The following ADGRL3 variants were observed in gnomAD, a reference collection of about 807,000 sequenced individuals.
The protein encoded by ADGRL3 is calcium-independent alpha-latrotoxin receptor 3.
A neutral mutation model predicts 153.5 loss-of-function variants in ADGRL3; 62 were observed. The observed-to-expected ratio is 0.40, with a 90% CI of 0.33 to 0.50. ADGRL3 has a LOEUF of 0.50. Among genes scored for constraint, ADGRL3 ranks in the 20% least tolerant of loss-of-function variants. The pLI is 0.47. For synonymous variants in ADGRL3, 710 were observed against 672.5 expected (o/e 1.06, Z -0.86); for missense variants, 1,641 against 1,859.4 (o/e 0.88, Z 2.16).
At chr4:61,766,220 A>G (rs546500651) in intron 8 of ADGRL3, among the ~76,000 whole-genome samples, 93 of 152,250 alleles carry the variant, frequency 6.1e-4, no homozygotes, top group Admixed American at 1.1e-3. Flanking sequence ...GGGAGACTCA[A>G]CAAAGAGTGG....
intron 2 of ADGRL3, among the ~76,000 whole-genome samples, chr4:61,415,005 G>A (rs1456304801): frequency 6.6e-6 from 1 of 151,760 alleles, no homozygotes; most frequent in Admixed American, 6.6e-5. Flanking sequence ...AAACTATATT[G>A]TGTCTAAATG....
At chr4:61,807,977 A>G (rs778555693) in intron 8 of ADGRL3, among the ~76,000 whole-genome samples, 1 of 151,580 alleles carries the variant, frequency 6.6e-6, no homozygotes, top group Non-Finnish European at 1.5e-5. Context: ...TATCTGTCTC[A>G]CTCCTGTGAT....
chr4:61,511,975 TC>T (rs1282958305), intron 3 of ADGRL3, among the ~76,000 whole-genome samples: 22 of 152,240 alleles, frequency 1.4e-4, no homozygotes, highest in African/African-American at 5.3e-4. Flanking sequence ...AAAGATATAA[TC>T]TTTTATATGG....
intron 8 of ADGRL3, among the ~76,000 whole-genome samples, chr4:61,801,093 ATTGCTTTTCTGGT>A (rs780166800): frequency 1.8e-4 from 27 of 152,124 alleles, no homozygotes; most frequent in Non-Finnish European, 3.8e-4. Context: ...AGTATTCAGC[ATTGCTTTTCTGGT>A]TTACACCTGT....
chr4:61,626,902 C>T (rs181369141), intron 5 of ADGRL3, among the ~76,000 whole-genome samples: 1 of 152,026 alleles, frequency 6.6e-6, no homozygotes, highest in African/African-American at 2.4e-5. Context: ...GTTGTAGTTT[C>T]TTTTGAGTTC....
chr4:61,831,050 G>A (rs995671986), intron 9 of ADGRL3, among the ~76,000 whole-genome samples: 10 of 151,740 alleles, frequency 6.6e-5, no homozygotes, highest in Non-Finnish European at 5.9e-5. Flanking sequence ...CACCACACCC[G>A]GCTAATTTTT....
chr4:61,390,961 T>G (rs2096795290), intron 2 of ADGRL3, among the ~76,000 whole-genome samples: 2 of 152,190 alleles, frequency 1.3e-5, no homozygotes, highest in Non-Finnish European at 2.9e-5. Flanking sequence ...TGTTGTTGAG[T>G]GCCCCAATAA....
At chr4:61,781,732 A>G (rs554548754) in intron 8 of ADGRL3, among the ~76,000 whole-genome samples, 50 of 152,314 alleles carry the variant, frequency 3.3e-4, no homozygotes, top group African/African-American at 9.9e-4. Context: ...CGGTAAAATT[A>G]AAGTTTACAC....
chr4:61,740,279 T>G (rs1334517733), intron 8 of ADGRL3, among the ~76,000 whole-genome samples: 5 of 152,216 alleles, frequency 3.3e-5, no homozygotes, highest in Admixed American at 2.6e-4. Context: ...GATGTACATT[T>G]AAAATGTTCA....
intron 8 of ADGRL3, among the ~76,000 whole-genome samples, chr4:61,800,152 CA>C (rs2097475176): frequency 6.6e-6 from 1 of 151,586 alleles, no homozygotes; most frequent in Non-Finnish European, 1.5e-5. Context: ...TAAGGGCTAG[CA>C]AAAAGAAACC....
intron 21 of ADGRL3, among the ~76,000 whole-genome samples, chr4:62,006,701 A>G (rs982433356): frequency 3.3e-5 from 5 of 151,736 alleles, no homozygotes; most frequent in Non-Finnish European, 5.9e-5. Flanking sequence ...AATTTAAGGC[A>G]GTTATATATT....
chr4:61,889,208 A>G (rs977684320), intron 9 of ADGRL3, among the ~76,000 whole-genome samples: 1 of 152,236 alleles, frequency 6.6e-6, no homozygotes, highest in African/African-American at 2.4e-5. Flanking sequence ...AAATTTGAAA[A>G]GGCTTCTTGA....
At chr4:61,957,155 G>A (rs111876006) in intron 17 of ADGRL3, among the ~76,000 whole-genome samples, 193 of 152,026 alleles carry the variant, frequency 1.3e-3, no homozygotes, top group African/African-American at 4.3e-3. Context: ...ATATTGATTC[G>A]TCCTATCCAT....
chr4:61,467,365 A>G (rs991297389), intron 2 of ADGRL3, among the ~76,000 whole-genome samples: 6 of 152,130 alleles, frequency 3.9e-5, no homozygotes, highest in African/African-American at 1.4e-4. Context: ...ACTATAAATC[A>G]TAAATTTAAA....
At chr4:61,472,169 A>G (rs944229437) in intron 2 of ADGRL3, among the ~76,000 whole-genome samples, 2 of 152,162 alleles carry the variant, frequency 1.3e-5, no homozygotes, top group Non-Finnish European at 2.9e-5. Flanking sequence ...ATGAAGTGAT[A>G]GAACAATACA....
chr4:61,256,492 T>C (rs991710156), intron 1 of ADGRL3, among the ~76,000 whole-genome samples: 1 of 152,204 alleles, frequency 6.6e-6, no homozygotes, highest in African/African-American at 2.4e-5. Context: ...CCTTTTTTTT[T>C]CTCAGTATGA....
At chr4:62,000,094 C>T (rs973190799) in intron 21 of ADGRL3, among the ~76,000 whole-genome samples, 4 of 151,512 alleles carry the variant, frequency 2.6e-5, no homozygotes, top group Non-Finnish European at 4.4e-5. Context: ...ATCTTTGTAC[C>T]TATTTTGTAG....
At chr4:61,822,938 T>G (rs1443833395) in intron 9 of ADGRL3, among the ~76,000 whole-genome samples, 2 of 152,236 alleles carry the variant, frequency 1.3e-5, no homozygotes, top group African/African-American at 2.4e-5. Flanking sequence ...GATCCAGTGA[T>G]AATGATGCTC....
At chr4:61,300,370 A>G (rs1391595051) in intron 1 of ADGRL3, among the ~76,000 whole-genome samples, 1 of 152,258 alleles carries the variant, frequency 6.6e-6, no homozygotes, top group Non-Finnish European at 1.5e-5. Flanking sequence ...GCCAAGCTTA[A>G]TGTACAATCT....
Sources: allele counts gnomAD v4.1 joint callset (sites outside exome capture counted in the v4.1 genomes callset), GRCh38; gene constraint gnomAD v4.1.1; transcripts MANE v1.5; gene names NCBI Gene and HGNC (gene_info 2026-07-23, HGNC 2026-07-21).